The following KIF1A variants were observed in gnomAD, a reference collection of about 807,000 sequenced individuals.
KIF1A encodes the protein kinesin-like protein KIF1A.
KIF1A carries 46 observed loss-of-function variants against 227.3 expected under a neutral mutation model. The ratio of observed to expected loss-of-function variants is 0.20; its 90% confidence interval spans 0.16 to 0.26. The LOEUF (loss-of-function observed/expected upper bound fraction) is 0.26, where lower values mean the gene tolerates loss of function less well. Among genes scored for constraint, KIF1A ranks in the 10% least tolerant of loss-of-function variants. KIF1A has a pLI of 1.00. For synonymous variants in KIF1A, 1,022 were observed against 1,012.8 expected (o/e 1.01, Z -0.17); for missense variants, 1,683 against 2,485.9 (o/e 0.68, Z 6.87).
At chr2:240,760,940 GC>G in intron 24 of KIF1A, 97 bp from the exon 25 acceptor site, 1 of 1,223,914 alleles carries the variant, frequency 8.2e-7, no homozygotes, top group Non-Finnish European at 1.1e-6. Context: ...GATTTCAGCT[GC>G]CTGCCCCACA....
In KIF1A at chr2:240,739,649, G is replaced by A. The variant is rs1000073004; in HGVS notation, c.3901+409C>T. On this transcript the variant is annotated intron_variant, in intron 37 of 48. Coordinates refer to ENST00000498729, the MANE Select transcript of KIF1A (RefSeq NM_001244008.2). The surrounding 1 kb of genome is among the most constrained non-coding windows in gnomAD (Gnocchi z 5.6). ...GCGTCTGCAGGCCAGGGTCGCCCAA[G>A]ATGCTGGCCACCACCAGGAGCTGGA... is the stretch of plus-strand genomic sequence containing the variant. 2.0e-5 allele frequency among the ~76,000 whole-genome samples: 3 copies of A among 152,094 alleles called. No individual in the cohort carries two copies. Among genetic ancestry groups the A allele is most frequent in the Non-Finnish European group, 2.9e-5 (2 of 68,022 alleles).
chr2:240,726,916 C>A lies in KIF1A; in HGVS notation c.4032G>T (p.Ala1344=), dbSNP rs371203997. 6.2e-7 allele frequency: 1 copy of A among 1,608,994 alleles called. No homozygotes were observed. The highest frequency in any genetic ancestry group is 8.5e-7 in the Non-Finnish European group (1 of 1,177,020). The change falls in exon 39 of 49, where the codon GCG becomes GCT. Residue 1344 remains alanine (A), a synonymous_variant. Coordinates refer to ENST00000498729, the MANE Select transcript of KIF1A (RefSeq NM_001244008.2). The surrounding 1 kb of genome is among the most constrained non-coding windows in gnomAD (Gnocchi z 5.2). Reference sequence around the variant, plus strand: ...GAGAGTTGTGCATGGAGCTGTCCCACGCAGCCTCAAATTGGTAAAAGGTCC... The same window carrying A: ...GAGAGTTGTGCATGGAGCTGTCCCAAGCAGCCTCAAATTGGTAAAAGGTCC... ...DDRTFYQFEA[A]WDSSMHNSLL... is the part of the protein sequence containing the mutation.
Position 240,739,809 on chromosome 2 carries a change from T to C in KIF1A, c.3901+249A>G, listed in dbSNP as rs180731209. ...CTGCTGTTTTAAGCTACCTGGTTTG[T>C]GGTATTTTGTCATGGCAGCCCCAGA... On this transcript the variant is annotated intron_variant, in intron 37 of 48. Coordinates refer to ENST00000498729, the MANE Select transcript of KIF1A (RefSeq NM_001244008.2). The surrounding 1 kb of genome is among the most constrained non-coding windows in gnomAD (Gnocchi z 5.6). 2.0e-5 allele frequency among the ~76,000 whole-genome samples: 3 copies of C among 152,282 alleles called. No individual in the cohort carries two copies. The highest frequency in any genetic ancestry group is 1.9e-4 in the East Asian group (1 of 5,178).
In KIF1A at chr2:240,788,587, C is replaced by T. The variant is rs1363583974; in HGVS notation, c.184-357G>A. The stretch of plus-strand genomic sequence containing the variant: ...TGAGACTGGGGACAGGGTGCAAAGG[C>T]CCAGAGACCCCACAGGCTGGGCTAC... On this transcript the variant is annotated intron_variant, in intron 3 of 48. Coordinates refer to ENST00000498729, the MANE Select transcript of KIF1A (RefSeq NM_001244008.2). This position sits in a 1 kb window ranked among gnomAD's most constrained non-coding sequence, Gnocchi z 6.6. Among the ~76,000 whole-genome samples, 1 of 152,036 alleles carries T rather than the reference C, an allele frequency of 6.6e-6. No individual in the cohort carries two copies. The highest frequency in any genetic ancestry group is 1.5e-5 in the Non-Finnish European group (1 of 67,998).
At chr2:240,817,371 C>A (rs1025269968) in intron 1 of KIF1A, among the ~76,000 whole-genome samples, 1 of 152,186 alleles carries the variant, frequency 6.6e-6, no homozygotes, top group Non-Finnish European at 1.5e-5. Context: ...TGGTGAGCCA[C>A]ATCCTTTGGG....
At chr2:240,724,272 G>A (rs3772046) in intron 40 of KIF1A, 4 of 563,178 alleles carry the variant, frequency 7.1e-6, no homozygotes, top group South Asian at 2.0e-5. Flanking sequence ...GGGCTGTGAC[G>A]TGAGGCCAGG....
At position 240,787,270 on chromosome 2, in the gene KIF1A, T is replaced by C; in HGVS notation, c.410A>G (p.Asn137Ser). The change falls in exon 5 of 49, where the codon AAC becomes AGC. Residue 137 changes from asparagine to serine, a missense_variant. By Grantham distance (46) the Asn-to-Ser change is conservative (BLOSUM62 1). Coordinates refer to ENST00000498729, the MANE Select transcript of KIF1A (RefSeq NM_001244008.2). ...CCCTACCTCCACGGAGTAGGACATG[T>C]TGTCGTTGGTCGTGTCGTTGATCCG... ...FSRINDTTNDNMSYSVEVSYM... is the reference protein window; with the variant it reads ...FSRINDTTNDSMSYSVEVSYM... The C allele has an allele frequency of 6.2e-7, 1 of 1,612,994 alleles. No individual in the cohort carries two copies. The highest frequency in any genetic ancestry group is 8.5e-7 in the Non-Finnish European group (1 of 1,179,554).
chr2:240,743,501 C>A lies in KIF1A; in HGVS notation c.3584+441G>T, dbSNP rs191610430. On this transcript the variant is annotated intron_variant, in intron 33 of 48. Transcript: ENST00000498729. ...TGGAAGTCCTGACTTCATGCCCCAG[C>A]CCCGCAAGTCTCTCTGAGCCCCCAT... Among the ~76,000 whole-genome samples, 737 of 152,308 alleles carry A rather than the reference C, an allele frequency of 4.8e-3. 3 individuals are homozygous for A. The highest frequency in any genetic ancestry group is 0.017 in the African/African-American group (692 of 41,564).
rs116600932 is a variant in KIF1A at position 240,750,416 on chromosome 2, G to A, written c.2977+13C>T. 0.019 allele frequency: 30,487 copies of A among 1,598,168 alleles called. 450 individuals are homozygous for A. Among genetic ancestry groups the A allele is most frequent in the African/African-American group, 0.055 (4,137 of 74,722 alleles). ...GGCTCCAATGCCACACACGGCCTTT[G>A]GCCCACACGCACCTGAGATGGCCTG... On this transcript the variant is annotated intron_variant, in intron 28 of 48. Transcript: ENST00000498729.
intron 1 of KIF1A, among the ~76,000 whole-genome samples, chr2:240,802,659 G>C (rs1026340695): frequency 1.3e-5 from 2 of 152,094 alleles, no homozygotes; most frequent in Non-Finnish European, 2.9e-5. Context: ...GTTTGAGACC[G>C]GGTCTCCTGT....
chr2:240,766,428 G>T lies in KIF1A; in HGVS notation c.1684+487C>A, dbSNP rs1216068514. Among the ~76,000 whole-genome samples, 2 of 152,214 alleles carry T rather than the reference G, an allele frequency of 1.3e-5. No homozygotes were observed. On this transcript the variant is annotated intron_variant, in intron 19 of 48. Coordinates refer to ENST00000498729, the MANE Select transcript of KIF1A (RefSeq NM_001244008.2). This position sits in a 1 kb window ranked among gnomAD's most constrained non-coding sequence, Gnocchi z 5.0. ...ACTGGGCAGGCAGGGGAAACGGACA[G>T]ATGGCCGCCCACAGCCAACAGGAAA...
Position 240,786,485 on chromosome 2 carries a change from C to T in KIF1A, c.458G>A (p.Arg153His), listed in dbSNP as rs750829308. 7 of 1,613,322 alleles carry T rather than the reference C, an allele frequency of 4.3e-6. No homozygotes were observed. Among genetic ancestry groups the T allele is most frequent in the South Asian group, 1.1e-5 (1 of 91,072 alleles). ...EVSYMEIYCE[R>H]VRDLLNPKNK... ...CTTGGGGTTCAGGAGGTCACGGACG[C>T]GCTCACAGTAAATCTCCATGTAGCT... The change falls in exon 6 of 49, where the codon CGC becomes CAC. Residue 153 changes from arginine (R) to histidine (H), a missense_variant. Around this residue, in one of 12 missense-constraint regions of KIF1A, gnomAD observed 75 missense variants for 131.2 expected, o/e 0.57. Transcript: ENST00000498729.
intron 28 of KIF1A, among the ~76,000 whole-genome samples, chr2:240,748,476 G>A (rs979025136): frequency 6.6e-6 from 1 of 152,180 alleles, no homozygotes; most frequent in African/African-American, 2.4e-5. Context: ...GGCTGTCAGG[G>A]TGGGGGCCAG....
At chr2:240,783,844 G>A (rs375486013) in intron 7 of KIF1A, 28 bp from the exon 8 acceptor site, 1 of 1,546,618 alleles carries the variant, frequency 6.5e-7, no homozygotes, top group East Asian at 2.4e-5. Flanking sequence ...TCACATGCAG[G>A]AAAGGCCACA....
At position 240,757,423 on chromosome 2, in the gene KIF1A, ATCC is replaced by A. The variant is rs10594016; in HGVS notation, c.2751_2753del (p.Glu917del). 0.52 allele frequency: 752,363 copies of A among 1,443,684 alleles called. 157,487 individuals are homozygous for A. The highest frequency in any genetic ancestry group is 0.79 in the African/African-American group (53,002 of 67,496). 89.4% of individuals were successfully genotyped at this position (1,443,684 alleles called of 1,614,324 possible). A position where few individuals can be genotyped will look rare whatever the true frequency, so the allele number is the denominator to read the frequency against. On this transcript the variant is annotated inframe_deletion, in exon 27 of 49. Transcript: ENST00000498729. The surrounding 1 kb of genome is among the most constrained non-coding windows in gnomAD (Gnocchi z 6.2). ...CGTCCTCCAGGTCCTCCTCCTCCTCATCCTCCTCCTCCTCCTCCTCCTCCTCCT... is the reference window on the plus strand; with the variant it reads ...CGTCCTCCAGGTCCTCCTCCTCCTCATCCTCCTCCTCCTCCTCCTCCTCCT...
At chr2:240,724,299 C>T in intron 40 of KIF1A, 1 of 526,424 alleles carries the variant, frequency 1.9e-6, no homozygotes, top group South Asian at 2.1e-5. Context: ...CAGCAGCCTC[C>T]ACTTTGTCCC....
rs940868955 is a variant in KIF1A at position 240,715,135 on chromosome 2, G to C, written c.*2229C>G. On this transcript the variant is annotated 3_prime_UTR_variant, in exon 49 of 49. Transcript: ENST00000498729. ...GGGCTCCCCCTCATCTCAGACCAGC[G>C]TGTCCTGCCCTGCCTCTCCTTCCTG... The C allele has an allele frequency of 2.6e-5, 4 of 152,466 alleles. No homozygotes were observed. Among genetic ancestry groups the C allele is most frequent in the Non-Finnish European group, 5.9e-5 (4 of 68,104 alleles). 9.4% of individuals were successfully genotyped at this position (152,466 alleles called of 1,614,324 possible). A position where few individuals can be genotyped will look rare whatever the true frequency, so the allele number is the denominator to read the frequency against.
rs2045863592 is a variant in KIF1A at position 240,725,097 on chromosome 2, T to G, written c.4256+174A>C. ...AGGAACCATGGCCTCCACAGAGTCT[T>G]CATCTAGGGTGAGCAGGAGGGGACT... On this transcript the variant is annotated intron_variant, in intron 40 of 48. Transcript: ENST00000498729. The surrounding 1 kb of genome is among the most constrained non-coding windows in gnomAD (Gnocchi z 5.8). 6.6e-6 allele frequency among the ~76,000 whole-genome samples: 1 copy of G among 151,752 alleles called. No homozygotes were observed. Among genetic ancestry groups the G allele is most frequent in the Non-Finnish European group, 1.5e-5 (1 of 67,892 alleles).
Position 240,757,810 on chromosome 2 carries a change from C to A in KIF1A, c.2583-216G>T, listed in dbSNP as rs1178598896. Among the ~76,000 whole-genome samples, 1 of 152,048 alleles carries A rather than the reference C, an allele frequency of 6.6e-6. No individual in the cohort carries two copies. Among genetic ancestry groups the A allele is most frequent in the Non-Finnish European group, 1.5e-5 (1 of 68,010 alleles). On this transcript the variant is annotated intron_variant, in intron 26 of 48. Coordinates refer to ENST00000498729, the MANE Select transcript of KIF1A (RefSeq NM_001244008.2). The surrounding 1 kb of genome is among the most constrained non-coding windows in gnomAD (Gnocchi z 6.2). ...GCCAGCAGGAAGGTTCCGGAAGGTT[C>A]CGGAGGACACCTGCAGGTGGGACTG...
Sources: allele counts gnomAD v4.1 joint callset (sites outside exome capture counted in the v4.1 genomes callset), GRCh38; gene constraint gnomAD v4.1.1; regional missense constraint gnomAD v4.1.1; non-coding constraint Gnocchi (gnomAD v3.1); transcripts MANE v1.5; gene names NCBI Gene and HGNC (gene_info 2026-07-23, HGNC 2026-07-21).